Variants in UBE3D observed in about 807,000 individuals in gnomAD.
UBE3D encodes E3 ubiquitin-protein ligase E3D.
UBE3D carries 48 observed loss-of-function variants against 49.6 expected under a neutral mutation model. The observed-to-expected ratio is 0.97, with a 90% CI of 0.77 to 1.23. UBE3D has a LOEUF of 1.23. Among genes scored for constraint, UBE3D ranks in the 50% most tolerant of loss-of-function variants. The pLI is 0.00. For synonymous variants in UBE3D, 189 were observed against 174.2 expected (o/e 1.08, Z -0.67); for missense variants, 452 against 468.4 (o/e 0.96, Z 0.32).
At chr6:82,938,411 CAGG>C (rs1223281644) in intron 9 of UBE3D, 1 of 152,144 alleles carries the variant, frequency 6.6e-6, no homozygotes, top group Non-Finnish European at 1.5e-5. Flanking sequence ...GCCCGGATAT[CAGG>C]AGATGTGGGG....
chr6:83,024,481 A>C (rs79458308), intron 5 of UBE3D, among the ~76,000 whole-genome samples: 37 of 152,336 alleles, frequency 2.4e-4, no homozygotes, highest in African/African-American at 8.9e-4. Context: ...TTTCTACCAT[A>C]ATAGCCTCAA....
rs916730456 is a variant in UBE3D, at chr6:83,009,855, T to C, written c.1010+9118A>G. Among the ~76,000 whole-genome samples the C allele has an allele frequency of 6.6e-5, 10 of 150,490 alleles. No homozygotes were observed. In the East Asian group the frequency reaches 7.9e-4, roughly 12 times the overall value. ...TCACATTAAAAAATCAAACAAAGAA[T>C]ACTGAGCGAAAAAAATCACAAAAAG... On this transcript the variant is annotated intron_variant, in intron 8 of 9. Transcript: ENST00000369747.
intron 9 of UBE3D, among the ~76,000 whole-genome samples, chr6:82,928,247 G>A (rs542740599): frequency 3.3e-5 from 5 of 152,028 alleles, no homozygotes; most frequent in South Asian, 2.1e-4. Context: ...AATGGATCCC[G>A]GGAACCGCAT....
At chr6:82,912,118 C>T (rs2127727050) in intron 9 of UBE3D, among the ~76,000 whole-genome samples, 1 of 152,244 alleles carries the variant, frequency 6.6e-6, no homozygotes, top group Middle Eastern at 3.4e-3. Flanking sequence ...CAGAGCTACT[C>T]ATTTGGGCAC....
At chr6:82,955,436 T>C (rs1776094384) in intron 9 of UBE3D, among the ~76,000 whole-genome samples, 1 of 152,132 alleles carries the variant, frequency 6.6e-6, no homozygotes, top group Admixed American at 6.5e-5. Flanking sequence ...AAACAGTACA[T>C]GAGGGAAGGA....
At chr6:82,890,745 G>A (rs7740946), downstream of UBE3D, among the ~76,000 whole-genome samples, 49,595 of 151,936 alleles carry the variant, frequency 0.33, 9,482 homozygotes, top group African/African-American at 0.52. Flanking sequence ...GACTCAACTC[G>A]ATTTTATTAG....
intron 3 of UBE3D, among the ~76,000 whole-genome samples, chr6:83,052,873 G>A (rs945090575): frequency 1.3e-5 from 2 of 152,226 alleles, no homozygotes; most frequent in Non-Finnish European, 2.9e-5. Context: ...ACTACAGGGA[G>A]GCTCAATGGA....
intron 5 of UBE3D, among the ~76,000 whole-genome samples, chr6:83,032,671 C>T (rs750884276): frequency 6.6e-6 from 1 of 152,096 alleles, no homozygotes; most frequent in Non-Finnish European, 1.5e-5. Flanking sequence ...TATGGTTTGG[C>T]TGTGTCCCCA....
At chr6:83,031,407 C>G (rs1189912304) in intron 5 of UBE3D, among the ~76,000 whole-genome samples, 1 of 152,160 alleles carries the variant, frequency 6.6e-6, no homozygotes, top group East Asian at 1.9e-4. Flanking sequence ...AAAGAAAAAC[C>G]CATTTTCTGG....
intron 9 of UBE3D, among the ~76,000 whole-genome samples, chr6:82,912,491 T>C (rs759525795): frequency 1.1e-4 from 16 of 152,116 alleles, no homozygotes; most frequent in Non-Finnish European, 2.2e-4. Flanking sequence ...GTACAATCAT[T>C]ACAATGTAAA....
In UBE3D at chr6:82,923,653, G is replaced by A. The variant is rs190584104; in HGVS notation, c.1150-30611C>T. ...TTGGTGTAGCAAACCACCATGGCAC[G>A]TGTATACCTATGTAACAAAATGCAC... On this transcript the variant is annotated intron_variant, in intron 9 of 9. Transcript: ENST00000369747. 3.5e-3 allele frequency among the ~76,000 whole-genome samples: 528 copies of A among 152,206 alleles called. 7 individuals are homozygous for A. Among genetic ancestry groups the A allele is most frequent in the Non-Finnish European group, 4.1e-3 (282 of 67,994 alleles).
chr6:82,943,010 T>C (rs150771365), intron 9 of UBE3D, among the ~76,000 whole-genome samples: 1 of 152,294 alleles, frequency 6.6e-6, no homozygotes, highest in African/African-American at 2.4e-5. Context: ...GGCTGTACCC[T>C]GCAAAGCCAC....
At chr6:83,064,253 C>T (rs1395479639) in intron 1 of UBE3D, among the ~76,000 whole-genome samples, 1 of 151,884 alleles carries the variant, frequency 6.6e-6, no homozygotes. Flanking sequence ...GAGACGGAGT[C>T]TCTTTCTGTT....
chr6:82,949,080 T>C (rs1161451154), intron 9 of UBE3D, among the ~76,000 whole-genome samples: 2 of 152,192 alleles, frequency 1.3e-5, no homozygotes, highest in African/African-American at 4.8e-5. Flanking sequence ...AATCAAGTTA[T>C]CCTTGTTGGC....
At chr6:82,942,135 G>A (rs890047819) in intron 9 of UBE3D, among the ~76,000 whole-genome samples, 1 of 152,198 alleles carries the variant, frequency 6.6e-6, no homozygotes, top group South Asian at 2.1e-4. Context: ...ATAGTGATAT[G>A]AAGAATGAAG....
intron 8 of UBE3D, among the ~76,000 whole-genome samples, chr6:82,982,025 G>A (rs1582540436): frequency 1.3e-5 from 2 of 152,166 alleles, no homozygotes; most frequent in East Asian, 3.9e-4. Context: ...AACTGCCCCT[G>A]TTTCTCATGA....
intron 8 of UBE3D, among the ~76,000 whole-genome samples, chr6:82,964,006 T>TA (rs1217247804): frequency 6.6e-6 from 1 of 152,168 alleles, no homozygotes; most frequent in African/African-American, 2.4e-5. Flanking sequence ...AATTGAAACT[T>TA]ACTTCTATGA....
intron 8 of UBE3D, among the ~76,000 whole-genome samples, chr6:82,961,339 C>T (rs1280366414): frequency 6.6e-6 from 1 of 152,178 alleles, no homozygotes; most frequent in Non-Finnish European, 1.5e-5. Context: ...CTGACTATCA[C>T]TTATCCTATG....
intron 8 of UBE3D, among the ~76,000 whole-genome samples, chr6:82,999,084 T>G (rs1234322517): frequency 6.6e-6 from 1 of 152,188 alleles, no homozygotes; most frequent in Non-Finnish European, 1.5e-5. Flanking sequence ...AACCGTCCAC[T>G]ACCGTTATCC....
Sources: gnomAD v4.1 joint callset for allele counts (sites outside exome capture counted in the v4.1 genomes callset) on GRCh38, gnomAD v4.1.1 for gene constraint, MANE v1.5 for transcripts, NCBI Gene and HGNC (gene_info 2026-07-23, HGNC 2026-07-21) for gene names.